The following TRABD2B variants were observed in gnomAD, a reference collection of about 807,000 sequenced individuals.
The protein encoded by TRABD2B is metalloprotease TIKI2.
TRABD2B carries 14 observed loss-of-function variants against 40.1 expected under a neutral mutation model. The ratio of observed to expected loss-of-function variants is 0.35; its 90% CI spans 0.23 to 0.55. The LOEUF (loss-of-function observed/expected upper bound fraction) is 0.55. TRABD2B is among the 20% of genes least tolerant of loss of function. The probability of loss-of-function intolerance (pLI) is 0.90; values close to 1 mark genes in which losing one functional copy is unlikely to be tolerated. For synonymous variants in TRABD2B, 263 were observed against 277.0 expected (o/e 0.95, Z 0.50); for missense variants, 541 against 648.6 (o/e 0.83, Z 1.80).
intron 2 of TRABD2B, among the ~76,000 whole-genome samples, chr1:47,961,258 C>G (rs1201667630): frequency 1.3e-5 from 2 of 152,096 alleles, no homozygotes; most frequent in Non-Finnish European, 2.9e-5. Flanking sequence ...CCATAAAAAC[C>G]CTAGAAGAAA....
At chr1:47,779,000 G>A (rs7552819) in intron 4 of TRABD2B, among the ~76,000 whole-genome samples, 28 of 152,296 alleles carry the variant, frequency 1.8e-4, no homozygotes, top group Non-Finnish European at 3.2e-4. Context: ...CAAGCCCCTA[G>A]CAGGGCTATG....
chr1:47,914,916 C>T (rs537347074), intron 2 of TRABD2B, among the ~76,000 whole-genome samples: 1 of 152,332 alleles, frequency 6.6e-6, no homozygotes, highest in East Asian at 1.9e-4. Context: ...CTCTGTGGCC[C>T]GTGCTCTGGG....
chr1:47,835,133 A>G (rs1227483446), intron 2 of TRABD2B, among the ~76,000 whole-genome samples: 1 of 152,218 alleles, frequency 6.6e-6, no homozygotes, highest in Admixed American at 6.5e-5. Flanking sequence ...CATATTGTAT[A>G]GTTGAAAAGT....
intron 2 of TRABD2B, among the ~76,000 whole-genome samples, chr1:47,812,772 T>C (rs990248558): frequency 6.6e-6 from 1 of 152,044 alleles, no homozygotes; most frequent in South Asian, 2.1e-4. Flanking sequence ...CAGAATGATA[T>C]AGAGGAGCAT....
At chr1:47,779,598 C>T (rs1341675960) in intron 4 of TRABD2B, among the ~76,000 whole-genome samples, 1 of 152,172 alleles carries the variant, frequency 6.6e-6, no homozygotes, top group Non-Finnish European at 1.5e-5. Flanking sequence ...GGCCCAGTGG[C>T]TCTGGACACA....
At chr1:47,989,102 G>A (rs1645963558) in intron 2 of TRABD2B, among the ~76,000 whole-genome samples, 1 of 152,166 alleles carries the variant, frequency 6.6e-6, no homozygotes, top group South Asian at 2.1e-4. Flanking sequence ...TCACCTATGA[G>A]AAACAGGCCC....
At chr1:47,835,774 C>A (rs1419118479) in intron 2 of TRABD2B, among the ~76,000 whole-genome samples, 6 of 152,156 alleles carry the variant, frequency 3.9e-5, no homozygotes, top group Non-Finnish European at 8.8e-5. Context: ...TGAAGTGAAT[C>A]ATTTAGGCTG....
chr1:47,954,101 T>G (rs551637574), intron 2 of TRABD2B, among the ~76,000 whole-genome samples: 1 of 152,252 alleles, frequency 6.6e-6, no homozygotes, highest in African/African-American at 2.4e-5. Context: ...GAAATGCAAG[T>G]AACAAGGAAA....
chr1:47,878,433 A>T (rs1644255148), intron 2 of TRABD2B, among the ~76,000 whole-genome samples: 1 of 152,236 alleles, frequency 6.6e-6, no homozygotes, highest in Non-Finnish European at 1.5e-5. Context: ...ACAATGTGGC[A>T]TCACACAGCC....
At chr1:47,808,583 A>G (rs528555737) in intron 2 of TRABD2B, among the ~76,000 whole-genome samples, 3 of 152,286 alleles carry the variant, frequency 2.0e-5, no homozygotes, top group Admixed American at 6.5e-5. Flanking sequence ...GCAAGCCCCC[A>G]ATTACATGGA....
intron 2 of TRABD2B, among the ~76,000 whole-genome samples, chr1:47,981,828 C>T (rs146001366): frequency 6.6e-6 from 1 of 152,330 alleles, no homozygotes; most frequent in African/African-American, 2.4e-5. Flanking sequence ...CTGATAAAGG[C>T]CTTCTCAGAC....
rs368845471 is a variant in TRABD2B at position 47,927,357 on chromosome 1, G to A, written c.666+66677C>T. Reference sequence around the variant, plus strand: ...TCCAACTGCAAACATCCACTCTTCCGGTGCCTTCTCCCTTCCAAGCCAACA... The same window carrying A: ...TCCAACTGCAAACATCCACTCTTCCAGTGCCTTCTCCCTTCCAAGCCAACA... On this transcript the variant is annotated intron_variant, in intron 2 of 6. Transcript: ENST00000606738. Among the ~76,000 whole-genome samples the A allele has an allele frequency of 7.9e-5, 12 of 152,308 alleles. No homozygotes were observed. The East Asian group carries it at 1.5e-3, about 20-fold the overall frequency.
At chr1:47,811,743 C>T (rs1019426711) in intron 2 of TRABD2B, among the ~76,000 whole-genome samples, 4 of 152,120 alleles carry the variant, frequency 2.6e-5, no homozygotes, top group Non-Finnish European at 4.4e-5. Context: ...AGTCCAAGGG[C>T]GCTCAGAGAT....
intron 2 of TRABD2B, among the ~76,000 whole-genome samples, chr1:47,929,571 C>T (rs1018816958): frequency 2.6e-5 from 4 of 152,224 alleles, no homozygotes; most frequent in Admixed American, 1.3e-4. Context: ...TCAAATCCCA[C>T]TGAAGGACCC....
chr1:47,955,616 C>T (rs1204932758), intron 2 of TRABD2B, among the ~76,000 whole-genome samples: 1 of 152,176 alleles, frequency 6.6e-6, no homozygotes, highest in African/African-American at 2.4e-5. Context: ...CCTGAATCTC[C>T]CCTTGATTCC....
chr1:47,919,048 C>T (rs758381047), intron 2 of TRABD2B, among the ~76,000 whole-genome samples: 23 of 152,194 alleles, frequency 1.5e-4, no homozygotes, highest in Admixed American at 5.2e-4. Flanking sequence ...CTTGGGCTCC[C>T]GCGGTCCGCC....
chr1:47,915,073 T>C (rs10890513), intron 2 of TRABD2B, among the ~76,000 whole-genome samples: 69,974 of 152,074 alleles, frequency 0.46, 17,914 homozygotes, highest in Middle Eastern at 0.61. Context: ...ATAAGGAGGG[T>C]CTTGCTCACT....
chr1:47,958,656 G>A (rs1296221402), intron 2 of TRABD2B, among the ~76,000 whole-genome samples: 1 of 152,026 alleles, frequency 6.6e-6, no homozygotes, highest in Non-Finnish European at 1.5e-5. Flanking sequence ...AACAAGGAGA[G>A]CTAACTATCC....
At chr1:47,787,953 C>T (rs1391751804) in intron 4 of TRABD2B, among the ~76,000 whole-genome samples, 1 of 152,110 alleles carries the variant, frequency 6.6e-6, no homozygotes. Context: ...CCCAGCAGAA[C>T]AGAGGGCCCA....
Sources: gnomAD v4.1 joint callset for allele counts (sites outside exome capture counted in the v4.1 genomes callset) on GRCh38, gnomAD v4.1.1 for gene constraint, MANE v1.5 for transcripts, NCBI Gene and HGNC (gene_info 2026-07-23, HGNC 2026-07-21) for gene names.